Variants in IQCB1 observed in about 807,000 individuals in gnomAD.
IQCB1 encodes the protein IQ motif containing B1, also known as IQ calmodulin-binding motif-containing protein 1.
Under a neutral mutation model 84.4 loss-of-function variants are expected in IQCB1, and 56 were observed. The observed-to-expected ratio is 0.66, with a 90% CI of 0.54 to 0.83. The LOEUF (loss-of-function observed/expected upper bound fraction) is 0.83. IQCB1 is among the 40% of genes least tolerant of loss of function. IQCB1 has a pLI of 0.00. For synonymous variants in IQCB1, 210 were observed against 234.8 expected (o/e 0.89, Z 0.96); for missense variants, 629 against 682.1 (o/e 0.92, Z 0.87).
intron 4 of IQCB1, among the ~76,000 whole-genome samples, chr3:121,827,631 C>T (rs2108641323): frequency 6.6e-6 from 1 of 152,148 alleles, no homozygotes; most frequent in South Asian, 2.1e-4. Context: ...AAGAATATCA[C>T]ATATATTTTT....
intron 5 of IQCB1, among the ~76,000 whole-genome samples, chr3:121,815,028 C>T (rs200799123): frequency 1.3e-5 from 2 of 152,106 alleles, no homozygotes; most frequent in Non-Finnish European, 2.9e-5. Flanking sequence ...ACTGGCAAAC[C>T]GAATCCAGCA....
At chr3:121,775,218 G>C (rs2108511699) in intron 13 of IQCB1, among the ~76,000 whole-genome samples, 1 of 152,214 alleles carries the variant, frequency 6.6e-6, no homozygotes, top group East Asian at 1.9e-4. Flanking sequence ...GTTTGGCTAA[G>C]GGAGGAGTTG....
At chr3:121,782,954 C>T (rs965543494) in intron 12 of IQCB1, among the ~76,000 whole-genome samples, 2 of 152,162 alleles carry the variant, frequency 1.3e-5, no homozygotes, top group African/African-American at 2.4e-5. Context: ...GGATTACAGA[C>T]GTGAGCCATC....
intron 7 of IQCB1, among the ~76,000 whole-genome samples, chr3:121,800,445 A>C (rs1171936249): frequency 6.6e-6 from 1 of 151,946 alleles, no homozygotes; most frequent in Non-Finnish European, 1.5e-5. Context: ...CCTTAAATGT[A>C]AAAATCTCTG....
chr3:121,797,093 A>ATT (rs74268687), intron 9 of IQCB1, 25 bp downstream of exon 9: 893 of 944,446 alleles, frequency 9.5e-4, no homozygotes, highest in Non-Finnish European at 1.2e-3. Flanking sequence ...ATATCATGCA[A>ATT]TTTTTTTTTT....
intron 12 of IQCB1, among the ~76,000 whole-genome samples, chr3:121,785,173 T>C (rs968045919): frequency 2.0e-5 from 3 of 152,168 alleles, no homozygotes; most frequent in Admixed American, 2.0e-4. Context: ...TTCTGGCCTT[T>C]CTTTTCCTGC....
intron 5 of IQCB1, among the ~76,000 whole-genome samples, chr3:121,819,403 G>A (rs1240732369): frequency 2.0e-5 from 3 of 152,118 alleles, no homozygotes; most frequent in Non-Finnish European, 2.9e-5. Flanking sequence ...TGAGCAATGG[G>A]GAGTGGCTGT....
chr3:121,821,296 T>C (rs1261594695), intron 5 of IQCB1, among the ~76,000 whole-genome samples: 2 of 152,216 alleles, frequency 1.3e-5, no homozygotes, highest in Non-Finnish European at 2.9e-5. Context: ...GAATACTCTA[T>C]CTAACTCTGG....
At chr3:121,811,613 G>C (rs1373708698) in intron 5 of IQCB1, among the ~76,000 whole-genome samples, 3 of 152,166 alleles carry the variant, frequency 2.0e-5, no homozygotes, top group African/African-American at 7.2e-5. Context: ...ACTGAGGCTT[G>C]AGTCGGCAGT....
intron 7 of IQCB1, among the ~76,000 whole-genome samples, chr3:121,806,686 T>G (rs1051597701): frequency 2.6e-5 from 4 of 152,124 alleles, no homozygotes; most frequent in African/African-American, 9.6e-5. Context: ...GAAGGTCCTT[T>G]AACATTTATG....
intron 14 of IQCB1, 73 bp from the exon 15 acceptor site, chr3:121,770,647 G>A (rs1323604333): frequency 9.0e-7 from 1 of 1,116,330 alleles, no homozygotes; most frequent in African/African-American, 1.5e-5. Flanking sequence ...GGAAGCTACA[G>A]AGCTGTAACT....
intron 10 of IQCB1, among the ~76,000 whole-genome samples, chr3:121,790,994 C>T (rs1948942882): frequency 6.6e-6 from 1 of 152,078 alleles, no homozygotes. Flanking sequence ...CAAAATTTCT[C>T]CTTAGCCATT....
chr3:121,773,271 G>A (rs989421571), intron 13 of IQCB1, among the ~76,000 whole-genome samples: 22 of 134,504 alleles, frequency 1.6e-4, no homozygotes, highest in Admixed American at 5.9e-4. Flanking sequence ...CCGAGATTGC[G>A]CCATTGCTCT....
chr3:121,772,714 C>T lies in IQCB1; in HGVS notation c.1411-1G>A. Reference sequence around the variant, plus strand: ...TGACCACATCTGACATTGGAGAGCCCTGGAAACACAGGACAGAAAAACCTG... The same window carrying T: ...TGACCACATCTGACATTGGAGAGCCTTGGAAACACAGGACAGAAAAACCTG... On this transcript the variant is annotated splice_acceptor_variant, in intron 13 of 14. Transcript: ENST00000310864. LOFTEE classifies it high-confidence loss of function. 1 of 1,613,960 alleles carries T rather than the reference C, an allele frequency of 6.2e-7. No individual in the cohort carries two copies. The highest frequency in any genetic ancestry group is 8.5e-7 in the Non-Finnish European group (1 of 1,179,980).
rs1189889920 is a variant in IQCB1 at position 121,790,208 on chromosome 3, G to A, written c.994C>T (p.Arg332Ter). Reference sequence around the variant, plus strand: ...TTTATCTCCAGCAACATCTTTGATCGTTTGGATCTGTGATGGAAACAGTGT... The same window carrying A: ...TTTATCTCCAGCAACATCTTTGATCATTTGGATCTGTGATGGAAACAGTGT... Reference protein sequence around the residue: ...IALQRSFRSKRSKMLLEINRQ... With the variant: ...IALQRSFRSK The change falls in exon 11 of 15, where the codon CGA becomes TGA. Residue 332 changes from arginine (R) to a stop codon, truncating the protein, a stop_gained. Transcript: ENST00000310864. LOFTEE classifies it high-confidence loss of function. 6 of 1,613,280 alleles carry A rather than the reference G, an allele frequency of 3.7e-6. No homozygotes were observed. The highest frequency in any genetic ancestry group is 5.1e-6 in the Non-Finnish European group (6 of 1,179,548).
chr3:121,829,446 T>A (rs1950559046), intron 2 of IQCB1, among the ~76,000 whole-genome samples: 1 of 152,196 alleles, frequency 6.6e-6, no homozygotes, highest in Admixed American at 6.5e-5. Flanking sequence ...CTGGTAAGAG[T>A]GGCTCCCTGT....
intron 5 of IQCB1, among the ~76,000 whole-genome samples, chr3:121,819,070 G>T (rs1249339264): frequency 1.3e-5 from 2 of 152,086 alleles, no homozygotes; most frequent in Non-Finnish European, 2.9e-5. Context: ...GGGGTCAAGG[G>T]GAAGGATGTT....
In IQCB1 at chr3:121,790,162, T is replaced by A. The variant is rs1362995395; in HGVS notation, c.1040A>T (p.Asp347Val). 3.7e-6 allele frequency: 6 copies of A among 1,613,392 alleles called. No homozygotes were observed. Among genetic ancestry groups the A allele is most frequent in the Non-Finnish European group, 5.1e-6 (6 of 1,179,336 alleles). ...LEINRQKEEE[D>V]LKLQLQLQRQ... ...TTGAAGTTGCAATTGTAATTTGAGG[T>A]CCTCTTCTTCCTTCTGCCTATTTAT... Residue 347 changes from aspartate to valine, a missense_variant, in exon 11 of 15, where the codon GAC becomes GTC. Coordinates refer to ENST00000310864, the MANE Select transcript of IQCB1 (RefSeq NM_001023570.4).
chr3:121,799,310 G>C lies in IQCB1; in HGVS notation c.652C>G (p.Leu218Val). 7 of 1,605,292 alleles carry C rather than the reference G, an allele frequency of 4.4e-6. No homozygotes were observed. Among genetic ancestry groups the C allele is most frequent in the Non-Finnish European group, 6.0e-6 (7 of 1,173,336 alleles). ...YSILDEVIFK[L>V]FSTPSPVIRS... ...ATAACTGGACTAGGAGTTGAAAAAA[G>C]CTTGAAAATAACTTCATCTAAAATT... The change falls in exon 8 of 15, where the codon CTT becomes GTT. Residue 218 changes from leucine (L) to valine (V), a missense_variant. Physicochemically the swap from Leu to Val is conservative, Grantham distance 32. Coordinates refer to ENST00000310864, the MANE Select transcript of IQCB1 (RefSeq NM_001023570.4).
Sources: gnomAD v4.1 joint callset for allele counts (sites outside exome capture counted in the v4.1 genomes callset) on GRCh38, gnomAD v4.1.1 for gene constraint, MANE v1.5 for transcripts, NCBI Gene and HGNC (gene_info 2026-07-23, HGNC 2026-07-21) for gene names.